The following FOXI1 variants were observed in gnomAD, a reference collection of about 807,000 sequenced individuals.
The protein encoded by FOXI1 is forkhead box I1, also known as forkhead box protein I1.
A neutral mutation model predicts 16.4 loss-of-function variants in FOXI1; 11 were observed. That is an observed-to-expected ratio of 0.67 (90% confidence interval 0.42 to 1.11). FOXI1 has a LOEUF of 1.11. FOXI1 is among the 50% of genes least tolerant of loss of function. The pLI is 0.00. For synonymous variants in FOXI1, 218 were observed against 211.5 expected (o/e 1.03, Z -0.27); for missense variants, 480 against 506.1 (o/e 0.95, Z 0.49).
Position 170,108,617 on chromosome 5 carries a change from G to A in FOXI1, c.*6G>A. On this transcript the variant is annotated 3_prime_UTR_variant, in exon 2 of 2. Transcript: ENST00000306268. ...GGGAGGGCACCGAGGTCTAGGTACAGAACAGCTCCTGAGCCAGGTGGACAT... is the reference window on the plus strand; with the variant it reads ...GGGAGGGCACCGAGGTCTAGGTACAAAACAGCTCCTGAGCCAGGTGGACAT... 6.2e-7 allele frequency: 1 copy of A among 1,607,750 alleles called. No homozygotes were observed. Among genetic ancestry groups the A allele is most frequent in the Non-Finnish European group, 8.5e-7 (1 of 1,174,992 alleles).
In FOXI1 at chr5:170,108,474, G is replaced by C; in HGVS notation, c.1000G>C (p.Gly334Arg). Residue 334 changes from glycine to arginine, a missense_variant, in exon 2 of 2, where the codon GGG becomes CGG. By Grantham distance (125) the Gly-to-Arg change is moderately radical. Transcript: ENST00000306268. Reference protein sequence around the residue: ...PLTNLSNHSGGGDWANPMPTN... With the variant: ...PLTNLSNHSGRGDWANPMPTN... ...CACCAACCTCAGCAACCACAGCGGT[G>C]GGGGTGACTGGGCGAACCCCATGCC... The C allele has an allele frequency of 6.2e-7, 1 of 1,601,396 alleles. No homozygotes were observed. The highest frequency in any genetic ancestry group is 2.2e-5 in the East Asian group (1 of 44,698).
In FOXI1 at chr5:170,108,351, A is replaced by C. The variant is rs778920857; in HGVS notation, c.877A>C (p.Ser293Arg). 2 of 1,613,462 alleles carry C rather than the reference A, an allele frequency of 1.2e-6. No homozygotes were observed. The highest frequency in any genetic ancestry group is 3.3e-5 in the Admixed American group (2 of 59,954). The change falls in exon 2 of 2, where the codon AGC becomes CGC. Residue 293 changes from serine (S) to arginine (R), a missense_variant. Physicochemically the swap from Ser to Arg is moderately radical, Grantham distance 110. Around this residue, in one of 3 missense-constraint regions of FOXI1, gnomAD observed 257 missense variants for 262.2 expected, o/e 0.98. Transcript: ENST00000306268. ...TATGACAGCCTATGTGAGCGGGGGG[A>C]GCCCCACGAGCCACCCCTTGGTCAC... ...SSMTAYVSGG[S>R]PTSHPLVTPG...
Position 170,108,830 on chromosome 5 carries a change from C to T in FOXI1, c.*219C>T, listed in dbSNP as rs1758582640. ...CAACTTTGCAATAGAAATACTGGTGCCTGCAGAGCAGCACTAACAGTGGCA... is the reference window on the plus strand; with the variant it reads ...CAACTTTGCAATAGAAATACTGGTGTCTGCAGAGCAGCACTAACAGTGGCA... On this transcript the variant is annotated 3_prime_UTR_variant, in exon 2 of 2. Transcript: ENST00000306268. 1 of 595,960 alleles carries T rather than the reference C, an allele frequency of 1.7e-6. No individual in the cohort carries two copies. The highest frequency in any genetic ancestry group is 3.0e-6 in the Non-Finnish European group (1 of 334,102). 36.9% of individuals were successfully genotyped at this position (595,960 alleles called of 1,614,324 possible). A position where few individuals can be genotyped will look rare whatever the true frequency, so the allele number is the denominator to read the frequency against.
At chr5:170,107,459 C>T (rs891822304) in intron 1 of FOXI1, among the ~76,000 whole-genome samples, 12 of 152,198 alleles carry the variant, frequency 7.9e-5, no homozygotes, top group African/African-American at 2.7e-4. Flanking sequence ...GGCTGAGAGA[C>T]GGTAGCAGGA....
At position 170,106,191 on chromosome 5, in the gene FOXI1, C is replaced by A; in HGVS notation, c.234C>A (p.Gly78=). Residue 78 remains glycine (G), a synonymous_variant, in exon 1 of 2, where the codon GGC becomes GGA. Coordinates refer to ENST00000306268, the MANE Select transcript of FOXI1 (RefSeq NM_012188.5). ...TGACCCCGCCACCCTACCTGCCCGG[C>A]CCCAACGCCAGCCCCTTCCTGCCCC... ...PTMTPPPYLP[G]PNASPFLPQA... 1 of 1,586,886 alleles carries A rather than the reference C, an allele frequency of 6.3e-7. No individual in the cohort carries two copies. Among genetic ancestry groups the A allele is most frequent in the Non-Finnish European group, 8.6e-7 (1 of 1,165,690 alleles).
rs886060402 is a variant in FOXI1, at chr5:170,109,029, T to C, written c.*418T>C. 4.2e-5 allele frequency: 7 copies of C among 167,892 alleles called. No individual in the cohort carries two copies. The Admixed American group carries it at 4.2e-4, about 10-fold the overall frequency. 10.4% of individuals were successfully genotyped at this position (167,892 alleles called of 1,614,324 possible). A position where few individuals can be genotyped will look rare whatever the true frequency, so the allele number is the denominator to read the frequency against. On this transcript the variant is annotated 3_prime_UTR_variant, in exon 2 of 2. Transcript: ENST00000306268. ...GCTAAGAGTCAAATCCAGGTCTATG[T>C]GATCCTCAGAGATTGGAGGCCGGGA...
intron 1 of FOXI1, 21 bp downstream of exon 1, chr5:170,106,552 G>T (rs775439463): frequency 6.2e-7 from 1 of 1,614,074 alleles, no homozygotes; most frequent in Non-Finnish European, 8.5e-7. Context: ...TTTGAGTGTG[G>T]GGGGTGTCCC....
chr5:170,107,527 C>T (rs547274131), intron 1 of FOXI1, among the ~76,000 whole-genome samples: 25 of 152,200 alleles, frequency 1.6e-4, no homozygotes, highest in African/African-American at 6.0e-4. Flanking sequence ...CTTTCCATAT[C>T]CGGTGTGGAT....
At position 170,108,051 on chromosome 5, in the gene FOXI1, A is replaced by G; in HGVS notation, c.577A>G (p.Lys193Glu). Reference sequence around the variant, plus strand: ...ACCCCCTTTCACTTTTGTATCAGGCAAAGGGAATTACTGGACCCTGGACCC... The same window carrying G: ...ACCCCCTTTCACTTTTGTATCAGGCGAAGGGAATTACTGGACCCTGGACCC... Reference protein sequence around the residue: ...KVPRDEDDPGKGNYWTLDPNC... With the variant: ...KVPRDEDDPGEGNYWTLDPNC... The change falls in exon 2 of 2, where the codon AAA (lysine) becomes GAA (glutamate). Residue 193 changes from lysine to glutamate, a missense_variant and splice_region_variant. Physicochemically the swap from Lys to Glu is moderately conservative, Grantham distance 56. Coordinates refer to ENST00000306268, the MANE Select transcript of FOXI1 (RefSeq NM_012188.5). 1.2e-6 allele frequency: 2 copies of G among 1,613,198 alleles called. No homozygotes were observed. The highest frequency in any genetic ancestry group is 1.7e-6 in the Non-Finnish European group (2 of 1,179,238).
Position 170,108,507 on chromosome 5 carries a change from A to G in FOXI1, c.1033A>G (p.Met345Val), listed in dbSNP as rs1444036558. ...CTGGGCGAACCCCATGCCCACCAAC[A>G]TGCTCAGCTATGGAGGATCTGTGCT... is the stretch of plus-strand genomic sequence containing the variant. The part of the protein sequence containing the change: ...GDWANPMPTN[M>V]LSYGGSVLSQ... Residue 345 changes from methionine to valine, a missense_variant, in exon 2 of 2, where the codon ATG (methionine) becomes GTG (valine). Physicochemically the swap from Met to Val is conservative, Grantham distance 21 (BLOSUM62 1). Coordinates refer to ENST00000306268, the MANE Select transcript of FOXI1 (RefSeq NM_012188.5). 3.1e-6 allele frequency: 5 copies of G among 1,605,088 alleles called. No homozygotes were observed. The highest frequency in any genetic ancestry group is 4.3e-6 in the Non-Finnish European group (5 of 1,174,058).
rs1169740075 is a variant in FOXI1 at position 170,105,901 on chromosome 5, G to A, written c.-57G>A. 7.5e-7 allele frequency: 1 copy of A among 1,338,426 alleles called. No homozygotes were observed. The highest frequency in any genetic ancestry group is 1.8e-5 in the Admixed American group (1 of 54,500). 82.9% of individuals were successfully genotyped at this position (1,338,426 alleles called of 1,614,324 possible). On this transcript the variant is annotated 5_prime_UTR_variant, in exon 1 of 2. Transcript: ENST00000306268. ...GGCCGGGCCTGCTGAGCACCTGTCA[G>A]GGGCAGCTCCGGGGTGCAGGTGCCA... is the stretch of plus-strand genomic sequence containing the variant.
chr5:170,107,345 C>T (rs929610558), intron 1 of FOXI1, among the ~76,000 whole-genome samples: 4 of 152,178 alleles, frequency 2.6e-5, no homozygotes, highest in African/African-American at 9.6e-5. Context: ...CAAGGTATAG[C>T]TCAAAGGAAC....
rs767098191 is a variant in FOXI1 at position 170,106,119 on chromosome 5, G to C, written c.162G>C (p.Glu54Asp). 1 of 1,612,220 alleles carries C rather than the reference G, an allele frequency of 6.2e-7. No homozygotes were observed. Among genetic ancestry groups the C allele is most frequent in the Non-Finnish European group, 8.5e-7 (1 of 1,179,194 alleles). ...PQRPSFEGGG[E>D]YGATPNPYLW... The stretch of plus-strand genomic sequence containing the variant: ...GGCCCTCCTTCGAGGGGGGCGGCGA[G>C]TATGGGGCCACCCCCAACCCCTACC... Residue 54 changes from glutamate to aspartate, a missense_variant, in exon 1 of 2, where the codon GAG becomes GAC. This residue lies in a region of FOXI1 where 219 missense variants were observed against 222.9 expected (regional missense o/e 0.98). Coordinates refer to ENST00000306268, the MANE Select transcript of FOXI1 (RefSeq NM_012188.5).
At chr5:170,107,224 C>T (rs538261510) in intron 1 of FOXI1, among the ~76,000 whole-genome samples, 1 of 152,306 alleles carries the variant, frequency 6.6e-6, no homozygotes, top group South Asian at 2.1e-4. Context: ...TGAGCTTTTC[C>T]TTTTCAACGA....
chr5:170,109,616 C>T lies in FOXI1; in HGVS notation c.*1005C>T, dbSNP rs1363673506. The T allele has an allele frequency of 6.6e-6, 1 of 152,196 alleles. No individual in the cohort carries two copies. The highest frequency in any genetic ancestry group is 1.5e-5 in the Non-Finnish European group (1 of 68,034). 9.4% of individuals were successfully genotyped at this position (152,196 alleles called of 1,614,324 possible). On this transcript the variant is annotated 3_prime_UTR_variant, in exon 2 of 2. Coordinates refer to ENST00000306268, the MANE Select transcript of FOXI1 (RefSeq NM_012188.5). ...TCAAGGGAGGGGCCTTGGGCCCACC[C>T]TCACAGGGGGTCTCTGTGTGATCTC...
chr5:170,106,558 G>T (rs1017653820), intron 1 of FOXI1, 27 bp downstream of exon 1: 1 of 1,613,674 alleles, frequency 6.2e-7, no homozygotes, highest in Admixed American at 1.7e-5. Context: ...TGTGGGGGGT[G>T]TCCCCAAGGA....
rs1480665203 is a variant in FOXI1, at chr5:170,105,902, G to A, written c.-56G>A. 5 of 1,333,586 alleles carry A rather than the reference G, an allele frequency of 3.7e-6. No individual in the cohort carries two copies. The highest frequency in any genetic ancestry group is 5.3e-6 in the Non-Finnish European group (5 of 942,152). 82.6% of individuals were successfully genotyped at this position (1,333,586 alleles called of 1,614,324 possible). A position where few individuals can be genotyped will look rare whatever the true frequency, so the allele number is the denominator to read the frequency against. ...GCCGGGCCTGCTGAGCACCTGTCAGGGGCAGCTCCGGGGTGCAGGTGCCAG... is the reference window on the plus strand; with the variant it reads ...GCCGGGCCTGCTGAGCACCTGTCAGAGGCAGCTCCGGGGTGCAGGTGCCAG... On this transcript the variant is annotated 5_prime_UTR_variant, in exon 1 of 2. Coordinates refer to ENST00000306268, the MANE Select transcript of FOXI1 (RefSeq NM_012188.5).
rs753858487 is a variant in FOXI1 at position 170,108,503 on chromosome 5, C to T, written c.1029C>T (p.Thr343=). The change falls in exon 2 of 2, where the codon ACC becomes ACT. Residue 343 remains threonine (T), a synonymous_variant. Coordinates refer to ENST00000306268, the MANE Select transcript of FOXI1 (RefSeq NM_012188.5). The part of the protein sequence containing the change: ...GGGDWANPMP[T]NMLSYGGSVL... Reference sequence around the variant, plus strand: ...GTGACTGGGCGAACCCCATGCCCACCAACATGCTCAGCTATGGAGGATCTG... The same window carrying T: ...GTGACTGGGCGAACCCCATGCCCACTAACATGCTCAGCTATGGAGGATCTG... 5.6e-6 allele frequency: 9 copies of T among 1,604,006 alleles called. No homozygotes were observed. Among genetic ancestry groups the T allele is most frequent in the Non-Finnish European group, 7.7e-6 (9 of 1,173,522 alleles).
intron 1 of FOXI1, chr5:170,107,095 G>T (rs1308148943): frequency 1.7e-6 from 1 of 594,794 alleles, no homozygotes; most frequent in Non-Finnish European, 2.1e-6. Context: ...ACCCCTGCAG[G>T]GTAGCTCTTA....
Sources: allele counts gnomAD v4.1 joint callset (sites outside exome capture counted in the v4.1 genomes callset), GRCh38; gene constraint gnomAD v4.1.1; regional missense constraint gnomAD v4.1.1; transcripts MANE v1.5; gene names NCBI Gene and HGNC (gene_info 2026-07-23, HGNC 2026-07-21).